DDX60: variants seen among roughly 807,000 people sequenced by gnomAD.
The protein encoded by DDX60 is probable ATP-dependent RNA helicase DDX60.
A neutral mutation model predicts 212.8 loss-of-function variants in DDX60; 165 were observed. That is an observed-to-expected ratio of 0.78 (90% CI 0.68 to 0.88). The LOEUF (loss-of-function observed/expected upper bound fraction) is 0.88. Among genes scored for constraint, DDX60 ranks in the 40% least tolerant of loss-of-function variants. The pLI, the probability that DDX60 is intolerant of heterozygous loss-of-function variation, is 0.00. For synonymous variants in DDX60, 703 were observed against 685.3 expected, an observed-to-expected ratio of 1.03 and a Z score of -0.40; for missense variants, 1,905 against 2,003.9, an observed-to-expected ratio of 0.95 and a Z score of 0.94.
intron 14 of DDX60, among the ~76,000 whole-genome samples, chr4:168,277,819 AAAG>A (rs1426190957): frequency 6.1e-5 from 9 of 148,382 alleles, no homozygotes; most frequent in Admixed American, 2.0e-4. Context: ...AAAAAAAAAA[AAAG>A]AAAAAAAAAA....
rs1736724676 is a variant in DDX60 at position 168,303,264 on chromosome 4, T to C, written c.607-848A>G. ...TTGCAGTGAGCTGAGATCACACCAC[T>C]GCACTCCAGCCTGGGCGACAGAGCG... On this transcript the variant is annotated intron_variant, in intron 5 of 37. Transcript: ENST00000393743. 4.1e-5 allele frequency among the ~76,000 whole-genome samples: 6 copies of C among 146,996 alleles called. No homozygotes were observed. In the South Asian group the frequency reaches 1.3e-3, roughly 32 times the overall value.
chr4:168,276,142 A>G lies in DDX60; in HGVS notation c.2018T>C (p.Met673Thr), dbSNP rs1735328636. The change falls in exon 15 of 38, where the codon ATG becomes ACG. Residue 673 changes from methionine (M) to threonine (T), a missense_variant. Coordinates refer to ENST00000393743, the MANE Select transcript of DDX60 (RefSeq NM_017631.6). Reference sequence around the variant, plus strand: ...TTCCATCAAGGAGTGGATCCTTTTCATCACCTGAACAGCTATACTTAAATC... The same window carrying G: ...TTCCATCAAGGAGTGGATCCTTTTCGTCACCTGAACAGCTATACTTAAATC... ...TKDLSIAVQV[M>T]KRIHSLMEKY... 6.2e-7 allele frequency: 1 copy of G among 1,613,176 alleles called. No individual in the cohort carries two copies. Among genetic ancestry groups the G allele is most frequent in the African/African-American group, 1.3e-5 (1 of 74,898 alleles).
chr4:168,291,769 G>A lies in DDX60; in HGVS notation c.1020C>T (p.Asp340=). ...ARVITSHWAE[D]MKPLLQMKKW... ...TTACCATTTGTAATAAAGGCTTCAT[G>A]TCCTCAGCCCAATGGGAAGTGATGA... The change falls in exon 8 of 38, where the codon GAC becomes GAT. Residue 340 remains aspartate, a synonymous_variant. Transcript: ENST00000393743. The A allele has an allele frequency of 1.3e-6, 2 of 1,596,216 alleles. No individual in the cohort carries two copies. Among genetic ancestry groups the A allele is most frequent in the Non-Finnish European group, 8.5e-7 (1 of 1,174,426 alleles).
intron 5 of DDX60, among the ~76,000 whole-genome samples, chr4:168,306,096 C>T (rs946659838): frequency 6.6e-6 from 1 of 152,154 alleles, no homozygotes; most frequent in Non-Finnish European, 1.5e-5. Flanking sequence ...GTATCTATTT[C>T]ATCACTGTAA....
At chr4:168,236,074 T>C (rs562481057) in intron 33 of DDX60, 178 bp downstream of exon 33, 2 of 502,094 alleles carry the variant, frequency 4.0e-6, no homozygotes, top group African/African-American at 4.0e-5. Flanking sequence ...TTGGTAGATT[T>C]ACAGAGGGAG....
Position 168,224,124 on chromosome 4 carries a change from C to T in DDX60, c.4824+119G>A, listed in dbSNP as rs913750950. The T allele has an allele frequency of 1.0e-5, 11 of 1,076,264 alleles. No homozygotes were observed. In the East Asian group the frequency reaches 2.3e-4, roughly 22 times the overall value. 66.7% of individuals were successfully genotyped at this position (1,076,264 alleles called of 1,614,324 possible). ...ATTCCTGAATATATCTGTTGATACACCCAGATTTTTTTTTTCCTTTTTAAG... is the reference window on the plus strand; with the variant it reads ...ATTCCTGAATATATCTGTTGATACATCCAGATTTTTTTTTTCCTTTTTAAG... On this transcript the variant is annotated intron_variant, in intron 35 of 37. Transcript: ENST00000393743.
intron 3 of DDX60, among the ~76,000 whole-genome samples, chr4:168,309,017 A>T (rs541342110): frequency 6.6e-6 from 1 of 152,278 alleles, no homozygotes; most frequent in African/African-American, 2.4e-5. Context: ...GGCAGCTTTC[A>T]GAGTTGAGAG....
At chr4:168,286,119 A>AGAAG (rs200798862) in intron 10 of DDX60, among the ~76,000 whole-genome samples, 3 of 147,734 alleles carry the variant, frequency 2.0e-5, no homozygotes, top group Non-Finnish European at 3.0e-5. Flanking sequence ...AAGGAAGGAA[A>AGAAG]GAAGGAAGGA....
chr4:168,261,093 G>GT lies in DDX60; in HGVS notation c.3274-105dup, dbSNP rs140961137. ...ATAGTTGTCTAATATATGTTTTTGG[G>GT]TTTTTTTAAAATAGTCCTATGAAAG... On this transcript the variant is annotated intron_variant, in intron 24 of 37. Coordinates refer to ENST00000393743, the MANE Select transcript of DDX60 (RefSeq NM_017631.6). 19,600 of 1,289,008 alleles carry GT rather than the reference G, an allele frequency of 0.015. 1,091 individuals are homozygous for GT. In the East Asian group the frequency reaches 0.17, roughly 11 times the overall value. The allele number at this position is 1,289,008 out of a possible 1,614,324, so 79.8% of individuals were successfully genotyped here.
intron 30 of DDX60, among the ~76,000 whole-genome samples, chr4:168,241,944 G>C (rs1160844949): frequency 6.6e-5 from 10 of 152,138 alleles, no homozygotes; most frequent in Non-Finnish European, 1.3e-4. Context: ...CCAGGCCCAG[G>C]GTTCGTCTGC....
intron 24 of DDX60, among the ~76,000 whole-genome samples, chr4:168,261,589 G>T (rs998966574): frequency 2.0e-5 from 3 of 152,102 alleles, no homozygotes; most frequent in Admixed American, 6.5e-5. Context: ...TACACAAATA[G>T]TTCCTACAAC....
chr4:168,293,364 TGG>T (rs1736191781), intron 7 of DDX60, among the ~76,000 whole-genome samples: 1 of 152,180 alleles, frequency 6.6e-6, no homozygotes, highest in Non-Finnish European at 1.5e-5. Context: ...TTAGTACGTT[TGG>T]TTTGAAAAAT....
chr4:168,233,804 T>G (rs1733537344), intron 33 of DDX60, among the ~76,000 whole-genome samples: 1 of 152,014 alleles, frequency 6.6e-6, no homozygotes, highest in Non-Finnish European at 1.5e-5. Context: ...AAATCACTAC[T>G]AAAGAACTTA....
intron 33 of DDX60, among the ~76,000 whole-genome samples, chr4:168,233,888 T>A (rs1578978193): frequency 6.6e-6 from 1 of 152,184 alleles, no homozygotes; most frequent in Middle Eastern, 3.4e-3. Context: ...AATTCATATG[T>A]GGTCATCCGG....
At chr4:168,306,292 C>T in intron 5 of DDX60, 87 bp downstream of exon 5, 2 of 853,882 alleles carry the variant, frequency 2.3e-6, no homozygotes, top group South Asian at 1.9e-5. Context: ...TGATAATTTC[C>T]TAGAGGAGGA....
At chr4:168,277,726 G>A (rs900261520) in intron 14 of DDX60, among the ~76,000 whole-genome samples, 6 of 149,900 alleles carry the variant, frequency 4.0e-5, no homozygotes, top group Admixed American at 6.7e-5. Context: ...GGAGAATGGC[G>A]TGAACCCAGG....
chr4:168,284,633 G>T (rs73863026), intron 12 of DDX60, among the ~76,000 whole-genome samples, 187 bp downstream of exon 12: 2,948 of 152,092 alleles, frequency 0.019, 82 homozygotes, highest in African/African-American at 0.067. Flanking sequence ...ATCTACATAC[G>T]TACGACTGTC....
chr4:168,245,895 A>G (rs12499440), intron 30 of DDX60, among the ~76,000 whole-genome samples: 78 of 151,996 alleles, frequency 5.1e-4, no homozygotes, highest in Non-Finnish European at 1.1e-3. Context: ...ATGCACACCC[A>G]TGCCTAGAAA....
chr4:168,297,650 G>C (rs1315270233), intron 6 of DDX60, among the ~76,000 whole-genome samples: 2 of 152,118 alleles, frequency 1.3e-5, no homozygotes, highest in Non-Finnish European at 2.9e-5. Context: ...GGCCAGGTGC[G>C]GTGGCTCATG....
Sources: gnomAD v4.1 joint callset for allele counts (sites outside exome capture counted in the v4.1 genomes callset) on GRCh38, gnomAD v4.1.1 for gene constraint, MANE v1.5 for transcripts, NCBI Gene and HGNC (gene_info 2026-07-23, HGNC 2026-07-21) for gene names.